Variants in REXO1 observed in about 807,000 individuals in gnomAD.
REXO1 encodes the protein REX1, RNA exonuclease 1 homolog.
Under a neutral mutation model 102.6 loss-of-function variants are expected in REXO1, and 42 were observed. The observed-to-expected ratio is 0.41, with a 90% CI of 0.32 to 0.53. The LOEUF (loss-of-function observed/expected upper bound fraction) is 0.53, where lower values mean the gene tolerates loss of function less well. REXO1 is among the 20% of genes least tolerant of loss of function. REXO1 has a pLI of 0.27. For missense variants in REXO1, 1,819 were observed against 1,732.5 expected (o/e 1.05, Z -0.89); for synonymous variants, 908 against 779.1 (o/e 1.17, Z -2.76).
rs76649499 is a variant in REXO1, at chr19:1,823,639, G to A, written c.2163C>T (p.Ser721=). The A allele has an allele frequency of 5.8e-4, 765 of 1,309,128 alleles. 3 individuals are homozygous for A. Among genetic ancestry groups the A allele is most frequent in the African/African-American group, 3.9e-3 (260 of 66,052 alleles). The allele number at this position is 1,309,128 out of a possible 1,614,324, so 81.1% of individuals were successfully genotyped here. The change falls in exon 4 of 16, where the codon TCC becomes TCT. Residue 721 remains serine (S), a synonymous_variant. Coordinates refer to ENST00000170168, the MANE Select transcript of REXO1 (RefSeq NM_020695.4). ...APARLAEKSP[S]VHISAPGEKR... ...TCTCGCCAGGGGCGGAAATGTGGAC[G>A]GAGGGCGACTTCTCTGCCAGCCTGG... is the stretch of plus-strand genomic sequence containing the variant.
chr19:1,823,982 C>T (rs2069630246), intron 3 of REXO1, 197 bp from the exon 4 acceptor site: 1 of 395,690 alleles, frequency 2.5e-6, no homozygotes, highest in East Asian at 3.6e-5. Context: ...GCTCCAGGCT[C>T]CCCCACTCCC....
chr19:1,835,079 G>C (rs1336070214), intron 1 of REXO1: 1 of 249,042 alleles, frequency 4.0e-6, no homozygotes, highest in East Asian at 1.5e-4. Context: ...GGCGTGCTGA[G>C]CCCCTGAAAG....
intron 3 of REXO1, among the ~76,000 whole-genome samples, chr19:1,825,316 A>C (rs1291147188): frequency 2.1e-5 from 3 of 142,654 alleles, no homozygotes; most frequent in South Asian, 2.2e-4. Flanking sequence ...AAAAAAAAAA[A>C]AAAAAACAAC....
rs1356059422 is a variant in REXO1 at position 1,848,409 on chromosome 19, C to T, written c.-51G>A. On this transcript the variant is annotated 5_prime_UTR_variant, in exon 1 of 16. Coordinates refer to ENST00000170168, the MANE Select transcript of REXO1 (RefSeq NM_020695.4). Reference sequence around the variant, plus strand: ...CCCGGAGCCGCCCGGGCCCCAGGGCCCCCTCACTGGCGCCGCGGTCGCCGC... The same window carrying T: ...CCCGGAGCCGCCCGGGCCCCAGGGCTCCCTCACTGGCGCCGCGGTCGCCGC... 2 of 1,160,862 alleles carry T rather than the reference C, an allele frequency of 1.7e-6. No homozygotes were observed. The highest frequency in any genetic ancestry group is 1.6e-5 in the African/African-American group (1 of 61,264). The allele number at this position is 1,160,862 out of a possible 1,614,324, so 71.9% of individuals were successfully genotyped here.
chr19:1,844,480 G>C (rs1315720012), intron 1 of REXO1, among the ~76,000 whole-genome samples: 4 of 152,178 alleles, frequency 2.6e-5, no homozygotes, highest in African/African-American at 7.2e-5. Context: ...ATGGTGGCTG[G>C]GCTTCAGGAG....
At chr19:1,837,356 C>T (rs1001985514) in intron 1 of REXO1, among the ~76,000 whole-genome samples, 18 of 152,200 alleles carry the variant, frequency 1.2e-4, no homozygotes, top group African/African-American at 4.1e-4. Flanking sequence ...TGCGGGCGCC[C>T]GGGGCCCTCC....
chr19:1,827,444 C>T lies in REXO1; in HGVS notation c.1345G>A (p.Gly449Arg), dbSNP rs763605715. The change falls in exon 2 of 16, where the codon GGG (glycine) becomes AGG (arginine). Residue 449 changes from glycine to arginine, a missense_variant. Transcript: ENST00000170168. ...SATPVATSGK[G>R]RPDRPARRPS... is the part of the protein sequence containing the mutation. Reference sequence around the variant, plus strand: ...CGCCGCGCTGGCCGGTCAGGCCTCCCTTTCCCTGAGGTGGCCACAGGAGTG... The same window carrying T: ...CGCCGCGCTGGCCGGTCAGGCCTCCTTTTCCCTGAGGTGGCCACAGGAGTG... 1.0e-5 allele frequency: 16 copies of T among 1,559,152 alleles called. No homozygotes were observed. The highest frequency in any genetic ancestry group is 5.5e-5 in the African/African-American group (4 of 72,174).
rs752885499 is a variant in REXO1, at chr19:1,827,578, C to T, written c.1211G>A (p.Arg404Gln). 8.8e-6 allele frequency: 14 copies of T among 1,594,158 alleles called. No homozygotes were observed. In the East Asian group the frequency reaches 8.9e-5, roughly 10 times the overall value. Residue 404 changes from arginine (R) to glutamine (Q), a missense_variant, in exon 2 of 16, where the codon CGA (arginine) becomes CAA (glutamine). By Grantham distance (43) the Arg-to-Gln change is conservative. Coordinates refer to ENST00000170168, the MANE Select transcript of REXO1 (RefSeq NM_020695.4). ...QGKDKTKDKGRGRPVEKPRAD... is the reference protein window; with the variant it reads ...QGKDKTKDKGQGRPVEKPRAD... ...ACGGGGCTTCTCCACAGGCCGCCCT[C>T]GGCCCTTGTCCTTGGTCTTGTCCTT...
chr19:1,833,453 C>T (rs1302831582), intron 1 of REXO1, among the ~76,000 whole-genome samples: 4 of 152,188 alleles, frequency 2.6e-5, no homozygotes, highest in Non-Finnish European at 5.9e-5. Context: ...CCCATTCTGG[C>T]ACCATCTCAC....
rs1010098129 is a variant in REXO1, at chr19:1,828,553, T to C, written c.236A>G (p.Glu79Gly). 1.2e-6 allele frequency: 2 copies of C among 1,604,076 alleles called. No individual in the cohort carries two copies. The highest frequency in any genetic ancestry group is 1.3e-5 in the African/African-American group (1 of 75,024). ...CTCCAGCACATCCGGGCGCGGCTCC[T>C]CCCCCAGGCCCAGGGTGCCATTCTC... ...QRENGTLGLG[E>G]EPRPDVLELE... Residue 79 changes from glutamate to glycine, a missense_variant, in exon 2 of 16, where the codon GAG (glutamate) becomes GGG (glycine). By Grantham distance (98) the Glu-to-Gly change is moderately conservative. Transcript: ENST00000170168.
intron 4 of REXO1, 57 bp from the exon 5 acceptor site, chr19:1,821,739 C>T (rs763908193): frequency 2.5e-4 from 387 of 1,524,930 alleles, no homozygotes; most frequent in Non-Finnish European, 3.1e-4. Context: ...CACCACGTGG[C>T]GGAGCACCAG....
intron 1 of REXO1, among the ~76,000 whole-genome samples, chr19:1,843,086 G>A (rs879944525): frequency 3.3e-5 from 5 of 152,182 alleles, no homozygotes; most frequent in African/African-American, 7.2e-5. Flanking sequence ...TCTGTGGTAG[G>A]AGTGTGGGGG....
At chr19:1,837,365 C>G (rs2070069899) in intron 1 of REXO1, among the ~76,000 whole-genome samples, 1 of 152,210 alleles carries the variant, frequency 6.6e-6, no homozygotes, top group African/African-American at 2.4e-5. Context: ...CCGGGGCCCT[C>G]CATGCACAGC....
chr19:1,826,184 T>G lies in REXO1; in HGVS notation c.1912-241A>C, dbSNP rs1050539577. Among the ~76,000 whole-genome samples, 1 of 152,100 alleles carries G rather than the reference T, an allele frequency of 6.6e-6. No homozygotes were observed. The highest frequency in any genetic ancestry group is 2.1e-4 in the South Asian group (1 of 4,822). ...CTCCTGGGCACCCAGGGCCCCAGCT[T>G]GGAGACCCCAGGGCTGCAGAATGAA... On this transcript the variant is annotated intron_variant, in intron 2 of 15. Transcript: ENST00000170168. This position sits in a 1 kb window ranked among gnomAD's most constrained non-coding sequence, Gnocchi z 4.3.
intron 1 of REXO1, among the ~76,000 whole-genome samples, chr19:1,830,453 G>C (rs542870487): frequency 6.6e-6 from 1 of 152,220 alleles, no homozygotes; most frequent in Non-Finnish European, 1.5e-5. Flanking sequence ...AGGCTGCAGC[G>C]AGCCAGGATT....
rs1001928846 is a variant in REXO1 at position 1,828,030 on chromosome 19, C to T, written c.759G>A (p.Glu253=). ...AGCCCCGGGGCCGCTTGGCGGCCCGCTCATCCCGGGAGCTGGCCCTGCTGA... is the reference window on the plus strand; with the variant it reads ...AGCCCCGGGGCCGCTTGGCGGCCCGTTCATCCCGGGAGCTGGCCCTGCTGA... ...RHLSRASSRD[E]RAAKRPRGSR... Residue 253 remains glutamate, a synonymous_variant, in exon 2 of 16, where the codon GAG becomes GAA. Coordinates refer to ENST00000170168, the MANE Select transcript of REXO1 (RefSeq NM_020695.4). The T allele has an allele frequency of 6.2e-7, 1 of 1,612,728 alleles. No individual in the cohort carries two copies. The highest frequency in any genetic ancestry group is 8.5e-7 in the Non-Finnish European group (1 of 1,179,718).
chr19:1,819,937 T>C lies in REXO1; in HGVS notation c.2647A>G (p.Ser883Gly), dbSNP rs2069481818. ...CCGCCCACCCGCCAGGACTCACTGC[T>C]GAGGCCGGGCACAGCGCTGGGGGCC... ...GLAPSAVPGL[S>G]KTSGRRVVSH... Residue 883 changes from serine (S) to glycine (G), a missense_variant, in exon 7 of 16, where the codon AGC (serine) becomes GGC (glycine). Ser to Gly is a moderately conservative substitution (Grantham distance 56, BLOSUM62 0). Coordinates refer to ENST00000170168, the MANE Select transcript of REXO1 (RefSeq NM_020695.4). The C allele has an allele frequency of 1.3e-6, 2 of 1,578,430 alleles. No homozygotes were observed. The highest frequency in any genetic ancestry group is 8.6e-7 in the Non-Finnish European group (1 of 1,165,456).
At position 1,827,401 on chromosome 19, in the gene REXO1, C is replaced by T; in HGVS notation, c.1388G>A (p.Gly463Glu). 1.3e-6 allele frequency: 2 copies of T among 1,542,078 alleles called. No individual in the cohort carries two copies. The highest frequency in any genetic ancestry group is 1.7e-6 in the Non-Finnish European group (2 of 1,153,304). ...RPARRPSPTS[G>E]DSRPAAGRGP... ...TCTGCCGGCCGCCGGTCGGGAGTCC[C>T]CGCTTGTGGGGCTCGGCCGCCGCGC... The change falls in exon 2 of 16, where the codon GGG (glycine) becomes GAG (glutamate). Residue 463 changes from glycine (G) to glutamate (E), a missense_variant. Transcript: ENST00000170168.
At chr19:1,838,859 T>C (rs957098090) in intron 1 of REXO1, among the ~76,000 whole-genome samples, 1 of 152,036 alleles carries the variant, frequency 6.6e-6, no homozygotes, top group African/African-American at 2.4e-5. Context: ...AGCTCACGCC[T>C]GTAACCCCAG....
Sources: gnomAD v4.1 joint callset for allele counts (sites outside exome capture counted in the v4.1 genomes callset) on GRCh38, gnomAD v4.1.1 for gene constraint, Gnocchi (gnomAD v3.1) non-coding constraint, MANE v1.5 for transcripts, NCBI Gene and HGNC (gene_info 2026-07-23, HGNC 2026-07-21) for gene names.